SPHKAP: variants seen among roughly 807,000 people sequenced by gnomAD.
SPHKAP encodes the protein SPHK1 interactor, AKAP domain containing, also known as A-kinase anchor protein SPHKAP.
SPHKAP carries 67 observed loss-of-function variants against 137.5 expected under a neutral mutation model. That is an observed-to-expected ratio of 0.49 (90% CI 0.40 to 0.60). SPHKAP has a LOEUF of 0.60. Among genes scored for constraint, SPHKAP ranks in the 20% least tolerant of loss-of-function variants. The pLI, the probability that SPHKAP is intolerant of heterozygous loss-of-function variation, is 0.00. For synonymous variants in SPHKAP, 813 were observed against 785.3 expected (o/e 1.04, Z -0.59); for missense variants, 2,097 against 2,069.3 (o/e 1.01, Z -0.26).
intron 3 of SPHKAP, among the ~76,000 whole-genome samples, chr2:228,052,937 A>G (rs1416869729): frequency 6.6e-6 from 1 of 152,182 alleles, no homozygotes; most frequent in Non-Finnish European, 1.5e-5. Context: ...AAGACTTCTT[A>G]CTATAGTCTG....
intron 7 of SPHKAP, among the ~76,000 whole-genome samples, chr2:228,003,614 T>C (rs376707229): frequency 6.6e-6 from 1 of 152,204 alleles, no homozygotes. Context: ...ATAGGAGTGG[T>C]GAGAAAGGGC....
chr2:227,986,059 A>G (rs1327199271), intron 11 of SPHKAP, among the ~76,000 whole-genome samples: 1 of 152,184 alleles, frequency 6.6e-6, no homozygotes, highest in Admixed American at 6.5e-5. Context: ...TGGTTTGAGC[A>G]TTGGAGTTCG....
At chr2:228,101,853 A>G (rs1186185301) in intron 3 of SPHKAP, among the ~76,000 whole-genome samples, 1 of 152,224 alleles carries the variant, frequency 6.6e-6, no homozygotes, top group Non-Finnish European at 1.5e-5. Context: ...TCTTTAAAAT[A>G]TGTCTCTAGA....
intron 3 of SPHKAP, among the ~76,000 whole-genome samples, chr2:228,061,157 T>C (rs1156978624): frequency 3.3e-5 from 5 of 152,238 alleles, no homozygotes; most frequent in African/African-American, 1.2e-4. Flanking sequence ...TAACAGCAGA[T>C]GTGCTCTGTT....
chr2:227,984,727 T>C (rs1453916750), intron 11 of SPHKAP, among the ~76,000 whole-genome samples: 6 of 152,118 alleles, frequency 3.9e-5, no homozygotes, highest in Admixed American at 1.3e-4. Context: ...ATCTAGAAAG[T>C]AGAGTTCCTG....
chr2:228,023,808 AG>A (rs1694930267), intron 5 of SPHKAP, among the ~76,000 whole-genome samples: 1 of 152,170 alleles, frequency 6.6e-6, no homozygotes, highest in Admixed American at 6.5e-5. Context: ...TTCCAGCGCC[AG>A]GGGTGATCAT....
chr2:228,031,067 G>A (rs1159409089), intron 3 of SPHKAP, among the ~76,000 whole-genome samples: 1 of 152,234 alleles, frequency 6.6e-6, no homozygotes, highest in Non-Finnish European at 1.5e-5. Context: ...GGAGGGCGAG[G>A]TGTTGCCTCA....
At chr2:227,993,469 A>G in intron 9 of SPHKAP, 65 bp downstream of exon 9, 2 of 1,439,380 alleles carry the variant, frequency 1.4e-6, no homozygotes, top group East Asian at 2.5e-5. Context: ...TGAATGATCA[A>G]AATGGATTGC....
At chr2:228,029,353 A>C (rs1219266260) in intron 3 of SPHKAP, among the ~76,000 whole-genome samples, 1 of 151,972 alleles carries the variant, frequency 6.6e-6, no homozygotes, top group Non-Finnish European at 1.5e-5. Context: ...TTTCTTTTTG[A>C]GGTTAAAAAA....
intron 3 of SPHKAP, among the ~76,000 whole-genome samples, chr2:228,060,609 C>T (rs1315387969): frequency 6.6e-6 from 1 of 152,256 alleles, no homozygotes; most frequent in South Asian, 2.1e-4. Flanking sequence ...TTCTTTGTAA[C>T]TATGACTTAG....
At chr2:228,147,998 G>A (rs1455884237) in intron 1 of SPHKAP, among the ~76,000 whole-genome samples, 3 of 152,188 alleles carry the variant, frequency 2.0e-5, no homozygotes, top group African/African-American at 4.8e-5. Context: ...GAACCTAGAC[G>A]AAACTGACTC....
intron 3 of SPHKAP, among the ~76,000 whole-genome samples, chr2:228,035,712 C>T (rs1695561583): frequency 6.6e-6 from 1 of 152,092 alleles, no homozygotes; most frequent in South Asian, 2.1e-4. Flanking sequence ...GAACAGAGCC[C>T]TCAGAAATAA....
rs1313394908 is a variant in SPHKAP at position 228,092,493 on chromosome 2, CAT to C, written c.246+16337_246+16338del. 1.0e-3 allele frequency among the ~76,000 whole-genome samples: 57 copies of C among 57,152 alleles called. 4 individuals are homozygous for C. The highest frequency in any genetic ancestry group is 4.0e-3 in the African/African-American group (57 of 14,112). 37.5% of individuals were successfully genotyped at this position (57,152 alleles called of 152,430 possible). A position where few individuals can be genotyped will look rare whatever the true frequency, so the allele number is the denominator to read the frequency against. ...CATATATATGTATACATATATGTGC[CAT>C]ATATATGTATACATATATGTGCCAT... On this transcript the variant is annotated intron_variant, in intron 3 of 11. Transcript: ENST00000392056.
rs565787732 is a variant in SPHKAP at position 228,162,061 on chromosome 2, GA to G, written c.32+19505del. Among the ~76,000 whole-genome samples the G allele has an allele frequency of 6.6e-5, 10 of 152,284 alleles. No homozygotes were observed. In the South Asian group the frequency reaches 2.1e-3, roughly 32 times the overall value. Reference sequence around the variant, plus strand: ...ATAGAAGGCATTTACCAATTACTAGGAATTTGCTTTGTTTTTATTTTTGATA... The same window carrying G: ...ATAGAAGGCATTTACCAATTACTAGGATTTGCTTTGTTTTTATTTTTGATA... On this transcript the variant is annotated intron_variant, in intron 1 of 11. Transcript: ENST00000392056.
At position 228,016,600 on chromosome 2, in the gene SPHKAP, C is replaced by A. The variant is rs373331468; in HGVS notation, c.4254G>T (p.Arg1418Ser). 3.7e-6 allele frequency: 6 copies of A among 1,613,944 alleles called. No homozygotes were observed. Among genetic ancestry groups the A allele is most frequent in the Non-Finnish European group, 5.1e-6 (6 of 1,179,984 alleles). The change falls in exon 7 of 12, where the codon AGG (arginine) becomes AGT (serine). Residue 1418 changes from arginine to serine, a missense_variant. By Grantham distance (110) the Arg-to-Ser change is moderately radical (BLOSUM62 -1). Coordinates refer to ENST00000392056, the MANE Select transcript of SPHKAP (RefSeq NM_001142644.2). ...CQDPVPINHK[R>S]RSLCSREVPL... The stretch of plus-strand genomic sequence containing the variant: ...GCACTTCCCTCGAGCAAAGTGATCG[C>A]CTTTTGTGGTTTATTGGTACAGGGT...
At chr2:228,001,320 AAT>A (rs1186654720) in intron 7 of SPHKAP, among the ~76,000 whole-genome samples, 2 of 142,622 alleles carry the variant, frequency 1.4e-5, no homozygotes, top group Non-Finnish European at 3.0e-5. Context: ...TACATATATA[AAT>A]ATATATACAT....
At chr2:228,072,566 T>C (rs1178788784) in intron 3 of SPHKAP, among the ~76,000 whole-genome samples, 1 of 152,110 alleles carries the variant, frequency 6.6e-6, no homozygotes, top group Non-Finnish European at 1.5e-5. Flanking sequence ...CAGGGTTCCT[T>C]CCCCTTTTCT....
chr2:228,140,028 T>A (rs1699553738), intron 1 of SPHKAP, among the ~76,000 whole-genome samples: 1 of 151,802 alleles, frequency 6.6e-6, no homozygotes, highest in South Asian at 2.1e-4. Context: ...CACTGCAACC[T>A]CCACCTCCTG....
chr2:228,050,454 A>G (rs1696215608), intron 3 of SPHKAP, among the ~76,000 whole-genome samples: 2 of 152,150 alleles, frequency 1.3e-5, no homozygotes, highest in South Asian at 4.1e-4. Flanking sequence ...AATTTTTACC[A>G]TATGCGGATG....
Sources: allele counts gnomAD v4.1 joint callset (sites outside exome capture counted in the v4.1 genomes callset), GRCh38; gene constraint gnomAD v4.1.1; transcripts MANE v1.5; gene names NCBI Gene and HGNC (gene_info 2026-07-23, HGNC 2026-07-21).